RANBP17: variants seen among roughly 807,000 people sequenced by gnomAD.
RANBP17 encodes ran-binding protein 17.
In RANBP17, 158 loss-of-function variants were observed where a neutral mutation model predicts 141.2. The ratio of observed to expected loss-of-function variants is 1.12; its 90% confidence interval spans 0.98 to 1.28. The LOEUF is 1.28. RANBP17 is among the 50% of genes most tolerant of loss of function. The pLI is 0.00. For missense variants in RANBP17, 1,438 were observed against 1,290.7 expected, an observed-to-expected ratio of 1.11 and a Z score of -1.75; for synonymous variants, 430 against 450.0, an observed-to-expected ratio of 0.96 and a Z score of 0.56.
intron 14 of RANBP17, among the ~76,000 whole-genome samples, chr5:170,981,836 A>G (rs1207672590): frequency 2.0e-5 from 3 of 152,164 alleles, no homozygotes; most frequent in Admixed American, 6.5e-5. Flanking sequence ...GAAGAAAGCT[A>G]GTAGTTAGGT....
At chr5:170,893,048 T>C (rs1207835300) in intron 4 of RANBP17, among the ~76,000 whole-genome samples, 1 of 152,146 alleles carries the variant, frequency 6.6e-6, no homozygotes, top group Admixed American at 6.5e-5. Flanking sequence ...CTATACCACA[T>C]TGACTATATC....
rs1192894235 is a variant in RANBP17 at position 170,931,839 on chromosome 5, A to G, written c.1468+7289A>G. Among the ~76,000 whole-genome samples, 92 of 152,222 alleles carry G rather than the reference A, an allele frequency of 6.0e-4. 1 individual carries two copies. In the South Asian group the frequency reaches 0.013, roughly 22 times the overall value. On this transcript the variant is annotated intron_variant, in intron 12 of 27. Transcript: ENST00000523189. ...GTAGTATAGTTTGAAGTCAGGTAGC[A>G]TGATGCCTCCAGCTTTGTTCTTTTT...
intron 24 of RANBP17, among the ~76,000 whole-genome samples, chr5:171,258,174 T>C (rs1766050205): frequency 6.8e-6 from 1 of 147,530 alleles, no homozygotes; most frequent in Non-Finnish European, 1.5e-5. Flanking sequence ...TAGGAATGCA[T>C]TTAACCAAGA....
At chr5:171,158,687 T>C (rs1224599478) in intron 14 of RANBP17, among the ~76,000 whole-genome samples, 3 of 152,042 alleles carry the variant, frequency 2.0e-5, no homozygotes, top group Middle Eastern at 3.2e-3. Flanking sequence ...ATTTTCATGG[T>C]CACTTCCTTC....
intron 14 of RANBP17, among the ~76,000 whole-genome samples, chr5:171,143,626 C>A (rs530612091): frequency 2.6e-5 from 4 of 152,236 alleles, no homozygotes; most frequent in African/African-American, 9.6e-5. Flanking sequence ...GTAGTTTATT[C>A]ATTTCTTCGG....
At chr5:171,096,830 A>T (rs1561650535) in intron 14 of RANBP17, among the ~76,000 whole-genome samples, 1 of 152,090 alleles carries the variant, frequency 6.6e-6, no homozygotes, top group Admixed American at 6.6e-5. Context: ...TACTTTATCA[A>T]CAACAACAAC....
intron 9 of RANBP17, among the ~76,000 whole-genome samples, chr5:170,917,450 T>C (rs1561887979): frequency 1.3e-5 from 2 of 152,144 alleles, no homozygotes; most frequent in Non-Finnish European, 2.9e-5. Flanking sequence ...ACTTTTTATT[T>C]TGATTTTGGT....
intron 14 of RANBP17, among the ~76,000 whole-genome samples, chr5:171,134,519 G>A (rs2127795359): frequency 6.6e-6 from 1 of 152,152 alleles, no homozygotes; most frequent in East Asian, 1.9e-4. Flanking sequence ...GTTAAGTAAG[G>A]GACTAAAAGT....
At chr5:171,068,507 G>T (rs778039604) in intron 14 of RANBP17, among the ~76,000 whole-genome samples, 17 of 152,116 alleles carry the variant, frequency 1.1e-4, no homozygotes, top group Non-Finnish European at 1.9e-4. Flanking sequence ...TTTGAGTATT[G>T]TAATGTGGTA....
At chr5:171,092,639 A>T (rs2127730638) in intron 14 of RANBP17, among the ~76,000 whole-genome samples, 1 of 152,352 alleles carries the variant, frequency 6.6e-6, no homozygotes, top group African/African-American at 2.4e-5. Flanking sequence ...GAAATTATCA[A>T]CCAGGAGAGC....
intron 25 of RANBP17, among the ~76,000 whole-genome samples, chr5:171,288,628 A>G (rs1469033707): frequency 6.6e-6 from 1 of 152,226 alleles, no homozygotes; most frequent in Non-Finnish European, 1.5e-5. Flanking sequence ...TTAGTCTATA[A>G]AACGGGAATA....
At chr5:170,901,634 G>C (rs914037156) in intron 5 of RANBP17, among the ~76,000 whole-genome samples, 1 of 152,146 alleles carries the variant, frequency 6.6e-6, no homozygotes. Flanking sequence ...TTTACAATTT[G>C]GTATGTTTTT....
intron 14 of RANBP17, among the ~76,000 whole-genome samples, chr5:171,100,429 G>A (rs1254122630): frequency 1.3e-5 from 2 of 152,052 alleles, no homozygotes; most frequent in Non-Finnish European, 2.9e-5. Context: ...TTGTATTTCT[G>A]TGGGATCAGT....
At chr5:170,975,867 C>T (rs1777332996) in intron 14 of RANBP17, among the ~76,000 whole-genome samples, 2 of 151,658 alleles carry the variant, frequency 1.3e-5, no homozygotes, top group Admixed American at 6.6e-5. Flanking sequence ...AACAGAAACA[C>T]CAAAATGGAT....
chr5:171,280,279 G>C (rs1402078170), intron 25 of RANBP17, among the ~76,000 whole-genome samples: 1 of 151,850 alleles, frequency 6.6e-6, no homozygotes, highest in African/African-American at 2.4e-5. Flanking sequence ...TGGGGGTTTT[G>C]TTTTTGTTTT....
rs143848778 is a variant in RANBP17, at chr5:171,080,711, C to T, written c.1711-89419C>T. On this transcript the variant is annotated intron_variant, in intron 14 of 27. Coordinates refer to ENST00000523189, the MANE Select transcript of RANBP17 (RefSeq NM_022897.5). The stretch of plus-strand genomic sequence containing the variant: ...GCTGCTTAAGGACTTCAACCTTTTA[C>T]GGGAAAATATCTTCTCTACGTGTCA... Among the ~76,000 whole-genome samples, 503 of 152,246 alleles carry T rather than the reference C, an allele frequency of 3.3e-3. 4 individuals are homozygous for T. Among genetic ancestry groups the T allele is most frequent in the African/African-American group, 0.011 (475 of 41,554 alleles).
At chr5:171,232,958 C>T (rs72827591) in intron 22 of RANBP17, among the ~76,000 whole-genome samples, 1 of 152,152 alleles carries the variant, frequency 6.6e-6, no homozygotes. Flanking sequence ...TTCAGTCATT[C>T]ATTCAACAAA....
At chr5:171,233,352 T>G (rs747506821) in intron 22 of RANBP17, among the ~76,000 whole-genome samples, 4 of 152,208 alleles carry the variant, frequency 2.6e-5, no homozygotes, top group Non-Finnish European at 5.9e-5. Flanking sequence ...GGCAGCTTCT[T>G]ATGAAACTAA....
At position 171,133,010 on chromosome 5, in the gene RANBP17, C is replaced by T. The variant is rs561341544; in HGVS notation, c.1711-37120C>T. On this transcript the variant is annotated intron_variant, in intron 14 of 27. Transcript: ENST00000523189. ...AAGTGATTCTTCTGCCTCAGCCTCC[C>T]GAGTAGCTGGGACTACAGGGGCCCG... is the stretch of plus-strand genomic sequence containing the variant. Among the ~76,000 whole-genome samples, 13 of 152,064 alleles carry T rather than the reference C, an allele frequency of 8.5e-5. No homozygotes were observed. The South Asian group carries it at 2.3e-3, about 27-fold the overall frequency.
Sources: allele counts gnomAD v4.1 joint callset (sites outside exome capture counted in the v4.1 genomes callset), GRCh38; gene constraint gnomAD v4.1.1; transcripts MANE v1.5; gene names NCBI Gene and HGNC (gene_info 2026-07-23, HGNC 2026-07-21).